The following RBFOX1 variants were observed in gnomAD, a reference collection of about 807,000 sequenced individuals.
RBFOX1 encodes RNA binding protein fox-1 homolog 1.
In RBFOX1, 8 loss-of-function variants were observed where a neutral mutation model predicts 57.7. The ratio of observed to expected loss-of-function variants is 0.14; its 90% confidence interval spans 0.08 to 0.25. RBFOX1 has a LOEUF of 0.25. RBFOX1 is among the 10% of genes least tolerant of loss of function. The probability of loss-of-function intolerance (pLI) is 1.00; values close to 1 mark genes in which losing one functional copy is unlikely to be tolerated. For missense variants in RBFOX1, 611 were observed against 548.5 expected (o/e 1.11, Z -1.14); for synonymous variants, 326 against 222.4 (o/e 1.47, Z -4.15).
At chr16:6,723,528 A>G (rs951725510) in intron 3 of RBFOX1, among the ~76,000 whole-genome samples, 7 of 152,202 alleles carry the variant, frequency 4.6e-5, no homozygotes, top group Non-Finnish European at 8.8e-5. Flanking sequence ...TATGTGCATA[A>G]CATTTCTGGA....
At chr16:6,896,211 T>G (rs1390034671) in intron 3 of RBFOX1, among the ~76,000 whole-genome samples, 1 of 152,142 alleles carries the variant, frequency 6.6e-6, no homozygotes, top group Non-Finnish European at 1.5e-5. Context: ...AGGCGAAGGT[T>G]GTAGTGAGCA....
chr16:7,119,888 C>T (rs1347011846), intron 4 of RBFOX1, among the ~76,000 whole-genome samples: 3 of 152,114 alleles, frequency 2.0e-5, no homozygotes, highest in Non-Finnish European at 4.4e-5. Context: ...CATCCAACAG[C>T]AGCAGGATGT....
chr16:6,725,042 C>CTTTTTTTT (rs1186629170), intron 3 of RBFOX1, among the ~76,000 whole-genome samples: 3 of 49,816 alleles, frequency 6.0e-5, no homozygotes, highest in African/African-American at 4.9e-5. Flanking sequence ...TTTTGGCTAG[C>CTTTTTTTT]TTTTTTTTTT....
chr16:5,302,152 A>G (rs1363290919), intron 1 of RBFOX1, among the ~76,000 whole-genome samples: 1 of 152,192 alleles, frequency 6.6e-6, no homozygotes, highest in Non-Finnish European at 1.5e-5. Context: ...TGGTTATCAT[A>G]CAGTTCAAAG....
chr16:5,680,449 C>T (rs868719406), intron 3 of RBFOX1, among the ~76,000 whole-genome samples: 4 of 152,130 alleles, frequency 2.6e-5, no homozygotes, highest in Non-Finnish European at 5.9e-5. Flanking sequence ...CCACTGTATA[C>T]CTGGAATTGC....
chr16:5,942,947 C>G (rs1168857487), intron 4 of RBFOX1, among the ~76,000 whole-genome samples: 1 of 152,192 alleles, frequency 6.6e-6, no homozygotes, highest in Non-Finnish European at 1.5e-5. Context: ...CCTACACTGT[C>G]TCGGGCTGGT....
At chr16:6,417,471 T>A (rs9302820) in intron 2 of RBFOX1, among the ~76,000 whole-genome samples, 2 of 142,702 alleles carry the variant, frequency 1.4e-5, no homozygotes, top group African/African-American at 5.2e-5. Context: ...CTCACTGCAA[T>A]CTCTGTCTCC....
chr16:7,240,284 G>T (rs28703179), intron 4 of RBFOX1, among the ~76,000 whole-genome samples: 1 of 151,824 alleles, frequency 6.6e-6, no homozygotes, highest in East Asian at 1.9e-4. Context: ...TAAGATTTAA[G>T]GATAATAATA....
chr16:6,269,384 C>T (rs1358062044), intron 1 of RBFOX1, among the ~76,000 whole-genome samples: 3 of 152,152 alleles, frequency 2.0e-5, no homozygotes, highest in Non-Finnish European at 2.9e-5. Context: ...AGTTTCAAAT[C>T]ACTGAGTAAA....
At position 7,028,331 on chromosome 16, in the gene RBFOX1, C is replaced by T. The variant is rs564574647; in HGVS notation, c.-15-23726C>T. On this transcript the variant is annotated intron_variant, in intron 3 of 15. Coordinates refer to ENST00000550418, the MANE Select transcript of RBFOX1 (RefSeq NM_018723.4). ...ATAAATGGGCTTCTGTGAAATTGCTCTGCCTGGGCTCAGGGCTGGAGTTAG... is the reference window on the plus strand; with the variant it reads ...ATAAATGGGCTTCTGTGAAATTGCTTTGCCTGGGCTCAGGGCTGGAGTTAG... 1.1e-4 allele frequency among the ~76,000 whole-genome samples: 17 copies of T among 152,180 alleles called. No homozygotes were observed. In the South Asian group the frequency reaches 2.1e-3, roughly 19 times the overall value.
chr16:6,504,823 A>T (rs537538652), intron 2 of RBFOX1, among the ~76,000 whole-genome samples: 152 of 152,222 alleles, frequency 1.0e-3, no homozygotes, highest in African/African-American at 3.4e-3. Context: ...TGGGAGGCCG[A>T]GGTGGGTGAA....
At chr16:6,176,078 G>A (rs2097004983) in intron 1 of RBFOX1, among the ~76,000 whole-genome samples, 1 of 152,022 alleles carries the variant, frequency 6.6e-6, no homozygotes, top group South Asian at 2.1e-4. Context: ...ATAGTGATGG[G>A]CTTAATTTCT....
At chr16:5,883,850 G>A (rs1044187502) in intron 4 of RBFOX1, among the ~76,000 whole-genome samples, 5 of 152,158 alleles carry the variant, frequency 3.3e-5, no homozygotes, top group African/African-American at 9.7e-5. Flanking sequence ...ACCTAATGCT[G>A]TGGTTTAAAT....
At chr16:6,804,822 T>C (rs2086343841) in intron 3 of RBFOX1, among the ~76,000 whole-genome samples, 2 of 152,332 alleles carry the variant, frequency 1.3e-5, no homozygotes, top group East Asian at 1.9e-4. Flanking sequence ...TGACTTCTTA[T>C]AGGTAAAGTA....
chr16:6,508,696 C>G (rs190427929), intron 2 of RBFOX1, among the ~76,000 whole-genome samples: 26 of 152,202 alleles, frequency 1.7e-4, no homozygotes, highest in African/African-American at 6.0e-4. Context: ...TCCTTTGCAT[C>G]TGCAGTTACT....
chr16:5,566,985 A>G (rs1354903924), intron 2 of RBFOX1, among the ~76,000 whole-genome samples: 1 of 152,222 alleles, frequency 6.6e-6, no homozygotes, highest in South Asian at 2.1e-4. Flanking sequence ...CTGGGAGTCC[A>G]AATACCCTAA....
At chr16:7,042,732 C>G (rs928256162) in intron 3 of RBFOX1, among the ~76,000 whole-genome samples, 8 of 152,150 alleles carry the variant, frequency 5.3e-5, no homozygotes, top group Admixed American at 1.3e-4. Context: ...TCAAGACCAG[C>G]CTGGCCAACA....
chr16:5,379,500 A>G (rs1223899378), intron 1 of RBFOX1, among the ~76,000 whole-genome samples: 1 of 147,192 alleles, frequency 6.8e-6, no homozygotes, highest in Admixed American at 6.6e-5. Flanking sequence ...ACCTTAGTCT[A>G]AACAAGCACA....
intron 2 of RBFOX1, among the ~76,000 whole-genome samples, chr16:6,559,484 T>C (rs770829007): frequency 6.6e-6 from 1 of 152,134 alleles, no homozygotes; most frequent in South Asian, 2.1e-4. Flanking sequence ...TCCTGAACTA[T>C]GCATTTTTTG....
Sources: gnomAD v4.1 joint callset for allele counts (sites outside exome capture counted in the v4.1 genomes callset) on GRCh38, gnomAD v4.1.1 for gene constraint, MANE v1.5 for transcripts, NCBI Gene and HGNC (gene_info 2026-07-23, HGNC 2026-07-21) for gene names.